GTF3C2: variants seen among roughly 807,000 people sequenced by gnomAD.
GTF3C2 encodes the protein general transcription factor IIIC subunit 2, also known as general transcription factor 3C polypeptide 2.
Under a neutral mutation model 117.4 loss-of-function variants are expected in GTF3C2, and 17 were observed. The ratio of observed to expected loss-of-function variants is 0.14; its 90% CI spans 0.10 to 0.22. The LOEUF (loss-of-function observed/expected upper bound fraction) is 0.22. GTF3C2 is among the 10% of genes least tolerant of loss of function. The pLI is 1.00. For missense variants in GTF3C2, 888 were observed against 1,143.6 expected, an observed-to-expected ratio of 0.78 and a Z score of 3.22; for synonymous variants, 437 against 427.0, an observed-to-expected ratio of 1.02 and a Z score of -0.29.
At chr2:27,338,933 G>A (rs1680609681) in intron 4 of GTF3C2, among the ~76,000 whole-genome samples, 1 of 152,124 alleles carries the variant, frequency 6.6e-6, no homozygotes, top group African/African-American at 2.4e-5. Flanking sequence ...CTCCTGAGTA[G>A]CTTGAAGTAC....
chr2:27,343,669 A>C, intron 1 of GTF3C2, 91 bp from the exon 2 acceptor site: 1 of 1,026,856 alleles, frequency 9.7e-7, no homozygotes, highest in Non-Finnish European at 1.4e-6. Context: ...CCTCATTCTC[A>C]CACTCATAAC....
At chr2:27,336,506 A>G in intron 7 of GTF3C2, 81 bp from the exon 8 acceptor site, 1 of 806,942 alleles carries the variant, frequency 1.2e-6, no homozygotes, top group East Asian at 2.5e-5. Context: ...ACCCAGAGCC[A>G]GTATGAACTG....
intron 12 of GTF3C2, among the ~76,000 whole-genome samples, chr2:27,330,772 A>G (rs1680248932): frequency 1.3e-5 from 2 of 152,268 alleles, no homozygotes; most frequent in South Asian, 4.1e-4. Context: ...ACCAGCCTGA[A>G]CAATATGGTG....
intron 1 of GTF3C2, among the ~76,000 whole-genome samples, chr2:27,349,462 A>G (rs1382976108): frequency 6.6e-6 from 1 of 151,778 alleles, no homozygotes; most frequent in Non-Finnish European, 1.5e-5. Context: ...TTGATTTTAA[A>G]AGACAAATAA....
chr2:27,344,175 C>T (rs1164281417), intron 1 of GTF3C2, among the ~76,000 whole-genome samples: 1 of 151,992 alleles, frequency 6.6e-6, no homozygotes, highest in Non-Finnish European at 1.5e-5. Flanking sequence ...AGGTGCGCAC[C>T]ACCACGCCCA....
Position 27,326,767 on chromosome 2 carries a change from G to A in GTF3C2, c.2644C>T (p.Arg882Ter), listed in dbSNP as rs1197740227. 2.5e-6 allele frequency: 4 copies of A among 1,613,876 alleles called. No homozygotes were observed. The highest frequency in any genetic ancestry group is 2.7e-5 in the African/African-American group (2 of 74,870). Residue 882 changes from arginine (R) to a stop codon, truncating the protein, a stop_gained, in exon 19 of 19, where the codon CGA becomes TGA. Coordinates refer to ENST00000264720, the Ensembl canonical transcript of GTF3C2. LOFTEE classifies it high-confidence loss of function. ...TGGAACATAGCATTGAAGTGGGCTC[G>A]GCTTTCAAGCTGCATACGGTGGCCC...
chr2:27,349,187 G>A (rs535400115), intron 1 of GTF3C2, among the ~76,000 whole-genome samples: 4 of 121,226 alleles, frequency 3.3e-5, no homozygotes, highest in Admixed American at 3.0e-4. Context: ...TTGCTCTGTT[G>A]CCCAGGCTGC....
At chr2:27,328,782 A>C in intron 15 of GTF3C2, 62 bp downstream of exon 15, 1 of 1,224,254 alleles carries the variant, frequency 8.2e-7, no homozygotes, top group Non-Finnish European at 1.2e-6. Context: ...TCTGACTACT[A>C]ATAGTGCATA....
chr2:27,328,965 T>G (rs1483668162), intron 14 of GTF3C2, 34 bp from the exon 15 acceptor site: 1 of 1,505,440 alleles, frequency 6.6e-7, no homozygotes. Context: ...AACCTTCCTT[T>G]TCTTTAGATT....
At position 27,329,082 on chromosome 2, in the gene GTF3C2, G is replaced by T; in HGVS notation, c.2039+39C>A. 6.2e-7 allele frequency: 1 copy of T among 1,608,322 alleles called. No individual in the cohort carries two copies. The highest frequency in any genetic ancestry group is 8.5e-7 in the Non-Finnish European group (1 of 1,175,144). On this transcript the variant is annotated intron_variant, in intron 14 of 18. Transcript: ENST00000264720. This position sits in a 1 kb window ranked among gnomAD's most constrained non-coding sequence, Gnocchi z 4.5. ...GGCATGCTTTGCATTCCAACCCTTA[G>T]GGCCTGTCCCTAGAGGTCCTATCTC...
At chr2:27,327,680 T>A (rs1680132466) in intron 17 of GTF3C2, among the ~76,000 whole-genome samples, 1 of 134,748 alleles carries the variant, frequency 7.4e-6, no homozygotes, top group South Asian at 2.4e-4. Context: ...CAGGCTGGAG[T>A]GCAGTGGTGT....
intron 1 of GTF3C2, 22 bp downstream of exon 1, chr2:27,356,717 C>G (rs943400898): frequency 6.5e-6 from 1 of 152,940 alleles, no homozygotes; most frequent in African/African-American, 2.4e-5. Flanking sequence ...CCCCCACACA[C>G]CCGCTGCGGC....
chr2:27,330,886 C>T (rs537958169), intron 12 of GTF3C2, among the ~76,000 whole-genome samples: 29 of 152,106 alleles, frequency 1.9e-4, no homozygotes, highest in African/African-American at 7.0e-4. Context: ...TGCTTGAACT[C>T]GGGAGATAGA....
At position 27,329,323 on chromosome 2, in the gene GTF3C2, G is replaced by C. The variant is rs558376671; in HGVS notation, c.1878-41C>G. ...AGAAGGTCAAATCCAAACAAATCCGGAAGTCAGCCTGTCCCAGTCTTCACC... is the reference window on the plus strand; with the variant it reads ...AGAAGGTCAAATCCAAACAAATCCGCAAGTCAGCCTGTCCCAGTCTTCACC... On this transcript the variant is annotated intron_variant, in intron 13 of 18. Coordinates refer to ENST00000264720, the Ensembl canonical transcript of GTF3C2. This position sits in a 1 kb window ranked among gnomAD's most constrained non-coding sequence, Gnocchi z 4.5. 12 of 1,613,954 alleles carry C rather than the reference G, an allele frequency of 7.4e-6. No homozygotes were observed. Among genetic ancestry groups the C allele is most frequent in the Admixed American group, 3.3e-5 (2 of 60,008 alleles).
At chr2:27,348,440 C>CA (rs1558623060) in intron 1 of GTF3C2, among the ~76,000 whole-genome samples, 1 of 151,148 alleles carries the variant, frequency 6.6e-6, no homozygotes, top group African/African-American at 2.4e-5. Flanking sequence ...TCTCAAAAAA[C>CA]AAAAAACAAA....
intron 1 of GTF3C2, chr2:27,356,373 C>A: frequency 3.4e-6 from 1 of 296,358 alleles, no homozygotes; most frequent in Non-Finnish European, 7.0e-6. Flanking sequence ...GTAGATTTCT[C>A]CCCTAGCCTG....
intron 5 of GTF3C2, 93 bp from the exon 6 acceptor site, chr2:27,337,651 T>G: frequency 2.2e-6 from 2 of 900,394 alleles, no homozygotes; most frequent in South Asian, 2.6e-5. Context: ...TGATCCATTA[T>G]CTGTGCTCCC....
intron 1 of GTF3C2, among the ~76,000 whole-genome samples, chr2:27,347,144 T>C (rs1174286453): frequency 2.6e-5 from 4 of 152,010 alleles, no homozygotes; most frequent in Non-Finnish European, 4.4e-5. Flanking sequence ...AACACAGAAC[T>C]CTCCAAGGGT....
At chr2:27,356,053 T>G (rs991235416) in intron 1 of GTF3C2, 1 of 1,254,730 alleles carries the variant, frequency 8.0e-7, no homozygotes, top group Non-Finnish European at 1.0e-6. Flanking sequence ...CTTAAAATTG[T>G]ATATGCCTCT....
Sources: gnomAD v4.1 joint callset for allele counts (sites outside exome capture counted in the v4.1 genomes callset) on GRCh38, gnomAD v4.1.1 for gene constraint, Gnocchi (gnomAD v3.1) non-coding constraint, MANE v1.5 for transcripts, NCBI Gene and HGNC (gene_info 2026-07-23, HGNC 2026-07-21) for gene names.